CRLF2: variants seen among roughly 807,000 people sequenced by gnomAD.
The protein encoded by CRLF2 is cytokine receptor-like factor 2.
A neutral mutation model predicts 38.7 loss-of-function variants in CRLF2; 41 were observed. The observed-to-expected ratio is 1.06, with a 90% CI of 0.83 to 1.37. CRLF2 has a LOEUF of 1.37. Among genes scored for constraint, CRLF2 ranks in the 40% most tolerant of loss-of-function variants. The pLI, the probability that CRLF2 is intolerant of heterozygous loss-of-function variation, is 0.00. For synonymous variants in CRLF2, 140 were observed against 128.8 expected, an observed-to-expected ratio of 1.09 and a Z score of -0.59; for missense variants, 377 against 322.2, an observed-to-expected ratio of 1.17 and a Z score of -1.30.
chrX:1,200,284 G>C (rs1209980737), intron 4 of CRLF2, among the ~76,000 whole-genome samples: 1 of 148,588 alleles, frequency 6.7e-6, no homozygotes, highest in Non-Finnish European at 1.5e-5. Context: ...ATATATATGT[G>C]TATATATACG....
intron 7 of CRLF2, among the ~76,000 whole-genome samples, chrX:1,192,171 C>CTCCA (rs2086394465): frequency 7.2e-6 from 1 of 139,412 alleles, no homozygotes; most frequent in South Asian, 2.3e-4. Context: ...CGCCACTGCA[C>CTCCA]TCCAGCCTGG....
Position 1,193,267 on chromosome X carries a change from G to A in CRLF2, c.803C>T (p.Pro268Leu), listed in dbSNP as rs1381814780. Reference protein sequence around the residue: ...KKFLIPSVPDPKSIFPGLFEI... With the variant: ...KKFLIPSVPDLKSIFPGLFEI... ...AAAGAGCCCGGGGAAGATGGATTTC[G>A]GGTCTGGCACGCTGGGAATGAGAAA... Residue 268 changes from proline (P) to leucine (L), a missense_variant, in exon 7 of 8, where the codon CCG (proline) becomes CTG (leucine). Transcript: ENST00000400841. 1.5e-5 allele frequency: 6 copies of A among 398,462 alleles called. No individual in the cohort carries two copies. Among genetic ancestry groups the A allele is most frequent in the Admixed American group, 4.4e-5 (1 of 22,654 alleles). The allele number at this position is 398,462 out of a possible 1,614,324, so 24.7% of individuals were successfully genotyped here.
intron 3 of CRLF2, among the ~76,000 whole-genome samples, chrX:1,203,771 A>G (rs1316619637): frequency 6.6e-6 from 1 of 152,126 alleles, no homozygotes; most frequent in Non-Finnish European, 1.5e-5. Flanking sequence ...GGGAGAGAAT[A>G]AATTTCTGCT....
At chrX:1,205,106 C>T (rs1452432055) in intron 3 of CRLF2, among the ~76,000 whole-genome samples, 7 of 152,188 alleles carry the variant, frequency 4.6e-5, no homozygotes, top group African/African-American at 1.7e-4. Flanking sequence ...GGATTACAGG[C>T]GTGAGCCACC....
At chrX:1,192,047 T>C (rs1297592099) in intron 7 of CRLF2, among the ~76,000 whole-genome samples, 1 of 144,008 alleles carries the variant, frequency 6.9e-6, no homozygotes, top group East Asian at 2.2e-4. Flanking sequence ...CTACGAAAAA[T>C]ACAAAAAATC....
intron 3 of CRLF2, among the ~76,000 whole-genome samples, chrX:1,204,171 T>TGTGTGTGTGTGTGTGTGC (rs2086655415): frequency 6.6e-6 from 1 of 150,906 alleles, no homozygotes; most frequent in Non-Finnish European, 1.5e-5. Flanking sequence ...TGTGTGTGTG[T>TGTGTGTGTGTGTGTGTGC]GTGTGTGTGT....
chrX:1,194,637 A>G (rs2086447057), intron 6 of CRLF2, among the ~76,000 whole-genome samples: 2 of 152,210 alleles, frequency 1.3e-5, no homozygotes, highest in South Asian at 4.1e-4. Flanking sequence ...CGACCTCACA[A>G]CGAGACTATA....
At chrX:1,207,413 G>A (rs768001225) in intron 2 of CRLF2, among the ~76,000 whole-genome samples, 2 of 151,100 alleles carry the variant, frequency 1.3e-5, no homozygotes, top group Admixed American at 1.3e-4. Flanking sequence ...ACGCCCCCGC[G>A]CCCGGCTAAT....
chrX:1,200,314 T>C lies in CRLF2; in HGVS notation c.484-1590A>G, dbSNP rs757759902. ...TATACGTGTATATAAGCTGTGCACA[T>C]ATGTGTGTATATATATGTGTGTATA... On this transcript the variant is annotated intron_variant, in intron 4 of 7. Coordinates refer to ENST00000400841, the MANE Select transcript of CRLF2 (RefSeq NM_022148.4). Among the ~76,000 whole-genome samples the C allele has an allele frequency of 1.5e-3, 164 of 112,518 alleles. 2 individuals are homozygous for C. The highest frequency in any genetic ancestry group is 4.4e-3 in the African/African-American group (151 of 34,148). 73.8% of individuals were successfully genotyped at this position (112,518 alleles called of 152,430 possible). A position where few individuals can be genotyped will look rare whatever the true frequency, so the allele number is the denominator to read the frequency against.
At chrX:1,210,116 GAAAAGAAAAGAAAAGA>G (rs2086770139) in intron 1 of CRLF2, among the ~76,000 whole-genome samples, 1 of 45,556 alleles carries the variant, frequency 2.2e-5, no homozygotes, top group Admixed American at 2.4e-4. Flanking sequence ...AAAAAAAAAA[GAAAAGAAAAGAAAAGA>G]AAAGAAAAGA....
chrX:1,211,742 TG>T (rs1569474261), intron 1 of CRLF2, among the ~76,000 whole-genome samples: 1,690 of 76,312 alleles, frequency 0.022, 41 homozygotes, highest in African/African-American at 0.03. Flanking sequence ...GATGGATGGA[TG>T]GATAAGTGGA....
rs1467002337 is a variant in CRLF2, at chrX:1,192,644, T to C, written c.852+574A>G. Among the ~76,000 whole-genome samples the C allele has an allele frequency of 6.5e-4, 98 of 151,562 alleles. No individual in the cohort carries two copies. The East Asian group carries it at 0.014, about 21-fold the overall frequency. The stretch of plus-strand genomic sequence containing the variant: ...TTTCTCTCTCTTTCTTTCTTCCTTT[T>C]CTTTTTTTCTTTCTTTCCTTTTTTC... On this transcript the variant is annotated intron_variant, in intron 7 of 7. Transcript: ENST00000400841.
intron 1 of CRLF2, among the ~76,000 whole-genome samples, chrX:1,210,344 C>T (rs2086775592): frequency 6.6e-6 from 1 of 151,994 alleles, no homozygotes; most frequent in Non-Finnish European, 1.5e-5. Context: ...GACAGAGTCT[C>T]GCTCTGTCGC....
intron 4 of CRLF2, among the ~76,000 whole-genome samples, chrX:1,201,591 A>G (rs777972674): frequency 2.4e-4 from 5 of 20,642 alleles, no homozygotes; most frequent in African/African-American, 7.1e-4. Context: ...ATGATAGAGC[A>G]ATGATAGAGA....
At chrX:1,192,033 A>G (rs1465225597) in intron 7 of CRLF2, among the ~76,000 whole-genome samples, 22,923 of 137,156 alleles carry the variant, frequency 0.17, 2,369 homozygotes, top group East Asian at 0.36. Context: ...GTGAAACCCC[A>G]TCTCTACGAA....
intron 7 of CRLF2, among the ~76,000 whole-genome samples, chrX:1,192,707 CT>C (rs1318151880): frequency 2.4e-3 from 214 of 90,622 alleles, no homozygotes; most frequent in Middle Eastern, 5.8e-3. Flanking sequence ...CTTTTCTTTT[CT>C]TTTCTTTCTT....
Position 1,208,841 on chromosome X carries a change from G to T in CRLF2, c.147C>A (p.Ser49Arg), listed in dbSNP as rs767559882. ...LETVQVTWNA[S>R]KYSRTNLTFH... ...AAGTCAGGTTGGTCCTGGAGTATTT[G>T]CTGGCATTCCATGTCACCTGCACGG... The change falls in exon 2 of 8, where the codon AGC becomes AGA. Residue 49 changes from serine to arginine, a missense_variant. Coordinates refer to ENST00000400841, the MANE Select transcript of CRLF2 (RefSeq NM_022148.4). 144 of 1,612,396 alleles carry T rather than the reference G, an allele frequency of 8.9e-5. No individual in the cohort carries two copies. Among genetic ancestry groups the T allele is most frequent in the South Asian group, 5.5e-5 (5 of 91,048 alleles).
chrX:1,190,960 A>T lies in CRLF2; in HGVS notation c.1053T>A (p.Gly351=). The change falls in exon 8 of 8, where the codon GGT becomes GGA. Residue 351 remains glycine (G), a synonymous_variant. Transcript: ENST00000400841. The part of the protein sequence containing the change: ...LQLPHQPLQG[G]DVVTIGGFTF... ...TGAAGCCCCCGATTGTGACCACATC[A>T]CCGCCTTGGAGGGGCTGGTGGGGAA... The T allele has an allele frequency of 5.0e-6, 2 of 398,686 alleles. No homozygotes were observed. Among genetic ancestry groups the T allele is most frequent in the East Asian group, 7.1e-5 (2 of 28,072 alleles). 24.7% of individuals were successfully genotyped at this position (398,686 alleles called of 1,614,324 possible). A position where few individuals can be genotyped will look rare whatever the true frequency, so the allele number is the denominator to read the frequency against.
intron 1 of CRLF2, among the ~76,000 whole-genome samples, chrX:1,209,895 A>G (rs1279630985): frequency 2.6e-5 from 4 of 151,938 alleles, no homozygotes; most frequent in Non-Finnish European, 5.9e-5. Flanking sequence ...CGAGGTCAGG[A>G]GTTCGAGACC....
Sources: allele counts gnomAD v4.1 joint callset (sites outside exome capture counted in the v4.1 genomes callset), GRCh38; gene constraint gnomAD v4.1.1; transcripts MANE v1.5; gene names NCBI Gene and HGNC (gene_info 2026-07-23, HGNC 2026-07-21).